Variants in CHLSN observed in about 807,000 individuals in gnomAD.
The protein encoded by CHLSN is protein cholesin.
the CHLSN span, among the ~76,000 whole-genome samples, chr7:1,122,849 C>T: frequency 2.6e-5 from 4 of 152,214 alleles, no homozygotes; most frequent in Non-Finnish European, 5.9e-5. Flanking sequence ...AGGCGCCAAC[C>T]CCAGCGGCAG....
chr7:1,077,704 G>A, the CHLSN span: 1 of 152,314 alleles, frequency 6.6e-6, no homozygotes, highest in Non-Finnish European at 1.5e-5. Context: ...CTGCTTACGT[G>A]CATTGAGTGT....
At chr7:1,077,517 C>T in the CHLSN span, among the ~76,000 whole-genome samples, 2 of 152,016 alleles carry the variant, frequency 1.3e-5, no homozygotes, top group Non-Finnish European at 2.9e-5. Flanking sequence ...CGTGAGCCAC[C>T]GCGCCCGGCC....
chr7:1,056,605 TC>T, the CHLSN span: 2 of 152,682 alleles, frequency 1.3e-5, no homozygotes, highest in African/African-American at 2.4e-5. Flanking sequence ...AGCCTCCTCT[TC>T]CCGCCCTGCT....
chr7:1,097,366 C>T, the CHLSN span, among the ~76,000 whole-genome samples: 3 of 152,150 alleles, frequency 2.0e-5, no homozygotes, highest in African/African-American at 7.2e-5. This position sits in a 1 kb window ranked among gnomAD's most constrained non-coding sequence, Gnocchi z 4.3. Context: ...CCAAAGGACA[C>T]GGTGTCCTCG....
chr7:1,116,915 G>A, the CHLSN span, among the ~76,000 whole-genome samples: 13 of 20,490 alleles, frequency 6.3e-4, no homozygotes, highest in East Asian at 2.9e-3. Flanking sequence ...TGACATCACT[G>A]CAGTTCTAGG....
chr7:1,056,895 C>T, the CHLSN span: 1 of 152,798 alleles, frequency 6.5e-6, no homozygotes, highest in South Asian at 2.1e-4. Context: ...AATTCTTACT[C>T]TAGGATGGCT....
At chr7:1,136,846 A>T in the CHLSN span, among the ~76,000 whole-genome samples, 4 of 151,968 alleles carry the variant, frequency 2.6e-5, no homozygotes, top group African/African-American at 9.7e-5. Flanking sequence ...CTCAAGCTTA[A>T]AACCTTGGTC....
At chr7:1,088,477 G>GGT in the CHLSN span, among the ~76,000 whole-genome samples, 1 of 142,302 alleles carries the variant, frequency 7.0e-6, no homozygotes, top group South Asian at 2.1e-4. The surrounding 1 kb of genome is among the most constrained non-coding windows in gnomAD (Gnocchi z 4.5). Context: ...CAAACTCAAG[G>GGT]CACAGACCCC....
chr7:997,601 C>A, the CHLSN span: 1 of 1,507,664 alleles, frequency 6.6e-7, no homozygotes, highest in Non-Finnish European at 8.9e-7. Flanking sequence ...CACTGGGCAG[C>A]GGCCCCGCCC....
the CHLSN span, chr7:997,581 G>A: frequency 7.0e-7 from 1 of 1,434,830 alleles, no homozygotes; most frequent in Middle Eastern, 2.2e-4. Flanking sequence ...TGTGGTCTGA[G>A]GCAGCCCTGC....
At chr7:1,111,106 A>T in the CHLSN span, among the ~76,000 whole-genome samples, 1 of 152,182 alleles carries the variant, frequency 6.6e-6, no homozygotes, top group Non-Finnish European at 1.5e-5. Flanking sequence ...ACAACAAAAA[A>T]CATTTAATGT....
At chr7:1,037,665 C>G in the CHLSN span, among the ~76,000 whole-genome samples, 7 of 128,732 alleles carry the variant, frequency 5.4e-5, no homozygotes, top group African/African-American at 1.1e-4. Context: ...GCCCGGCCGC[C>G]ACCCCGTCTG....
At chr7:1,049,947 C>G in the CHLSN span, among the ~76,000 whole-genome samples, 1 of 152,158 alleles carries the variant, frequency 6.6e-6, no homozygotes, top group Non-Finnish European at 1.5e-5. Context: ...AGCCAGCAGC[C>G]ACCCCACCCC....
chr7:1,057,772 GC>G, the CHLSN span: 8 of 775,698 alleles, frequency 1.0e-5, no homozygotes, highest in Non-Finnish European at 4.8e-6. Flanking sequence ...CACCTGCTCG[GC>G]CCCCCGAGCT....
chr7:992,438 G>T, the CHLSN span, among the ~76,000 whole-genome samples: 1 of 152,264 alleles, frequency 6.6e-6, no homozygotes, highest in Non-Finnish European at 1.5e-5. Context: ...TGCCGGGCTG[G>T]CCGGGCTTAG....
the CHLSN span, chr7:984,502 C>T: frequency 8.4e-6 from 13 of 1,552,716 alleles, no homozygotes; most frequent in African/African-American, 1.6e-4. Flanking sequence ...CAAAGAGGCG[C>T]TGGCGGGCCC....
chr7:1,057,691 T>C, the CHLSN span: 2 of 774,146 alleles, frequency 2.6e-6, no homozygotes, highest in African/African-American at 1.7e-5. Context: ...AAGGCCAGCA[T>C]GACCATGCCG....
At chr7:1,123,732 C>T in the CHLSN span, among the ~76,000 whole-genome samples, 1 of 152,130 alleles carries the variant, frequency 6.6e-6, no homozygotes, top group African/African-American at 2.4e-5. The surrounding 1 kb of genome is among the most constrained non-coding windows in gnomAD (Gnocchi z 4.4). Context: ...TGAGCCCCCA[C>T]ACTCCATCTG....
the CHLSN span, among the ~76,000 whole-genome samples, chr7:1,102,662 G>A: frequency 6.6e-6 from 1 of 152,114 alleles, no homozygotes; most frequent in Non-Finnish European, 1.5e-5. Context: ...AGAACCCAGC[G>A]GGCGACCTGG....
Sources: allele counts gnomAD v4.1 joint callset (sites outside exome capture counted in the v4.1 genomes callset), GRCh38; gene constraint gnomAD v4.1.1; non-coding constraint Gnocchi (gnomAD v3.1); transcripts MANE v1.5; gene names NCBI Gene and HGNC (gene_info 2026-07-23, HGNC 2026-07-21).